Variants in PALLD observed in about 807,000 individuals in gnomAD.
PALLD encodes the protein palladin.
In PALLD, 61 loss-of-function variants were observed where a neutral mutation model predicts 123.5. The observed-to-expected ratio is 0.49, with a 90% confidence interval of 0.40 to 0.61. PALLD has a LOEUF of 0.61. Among genes scored for constraint, PALLD ranks in the 20% least tolerant of loss-of-function variants. The pLI, the probability that PALLD is intolerant of heterozygous loss-of-function variation, is 0.00. For synonymous variants in PALLD, 465 were observed against 496.4 expected, an observed-to-expected ratio of 0.94 and a Z score of 0.84; for missense variants, 1,273 against 1,377.0, an observed-to-expected ratio of 0.92 and a Z score of 1.20.
chr4:168,771,688 C>T (rs1206315933), intron 10 of PALLD, among the ~76,000 whole-genome samples: 1 of 152,110 alleles, frequency 6.6e-6, no homozygotes, highest in African/African-American at 2.4e-5. Flanking sequence ...TGGTCTCAGC[C>T]ATCACCCCCC....
At chr4:168,764,425 G>C (rs913228801) in intron 10 of PALLD, among the ~76,000 whole-genome samples, 3 of 151,958 alleles carry the variant, frequency 2.0e-5, no homozygotes, top group African/African-American at 7.3e-5. Flanking sequence ...AATTTTTTTA[G>C]AAACAGGATC....
At chr4:168,719,015 C>G (rs9992221) in intron 10 of PALLD, among the ~76,000 whole-genome samples, 34 of 149,862 alleles carry the variant, frequency 2.3e-4, no homozygotes, top group South Asian at 4.2e-4. Context: ...TCAAGTAATT[C>G]TCCTGCCTCA....
chr4:168,572,420 A>G (rs1769089108), intron 2 of PALLD, among the ~76,000 whole-genome samples: 2 of 152,120 alleles, frequency 1.3e-5, no homozygotes. Context: ...AACTCAGGTC[A>G]TTCTCCCTCC....
intron 10 of PALLD, among the ~76,000 whole-genome samples, chr4:168,722,851 T>C (rs1275947143): frequency 6.6e-6 from 1 of 152,140 alleles, no homozygotes; most frequent in Non-Finnish European, 1.5e-5. Context: ...CCAAGCCGTG[T>C]GTAGGTTCAG....
intron 2 of PALLD, among the ~76,000 whole-genome samples, chr4:168,538,470 T>A (rs887747074): frequency 2.1e-4 from 32 of 151,674 alleles, no homozygotes; most frequent in African/African-American, 2.4e-4. Flanking sequence ...AAATAAAATT[T>A]TATTTTAAAT....
chr4:168,579,205 A>C (rs1222967431), intron 2 of PALLD, among the ~76,000 whole-genome samples: 1 of 152,190 alleles, frequency 6.6e-6, no homozygotes, highest in Non-Finnish European at 1.5e-5. Context: ...GTGCCATGTA[A>C]AGTGCAGCTA....
At chr4:168,814,475 A>G (rs1209874718) in intron 10 of PALLD, among the ~76,000 whole-genome samples, 1 of 152,194 alleles carries the variant, frequency 6.6e-6, no homozygotes, top group Admixed American at 6.5e-5. Flanking sequence ...ATGAAACCGA[A>G]CCATGTTGGG....
intron 2 of PALLD, among the ~76,000 whole-genome samples, chr4:168,630,837 T>TA (rs751510756): frequency 4.9e-4 from 75 of 152,322 alleles, no homozygotes; most frequent in Non-Finnish European, 9.0e-4. Flanking sequence ...GCCAGGGGCT[T>TA]TAGAGTTGGC....
chr4:168,682,359 C>T (rs940816029), intron 4 of PALLD, among the ~76,000 whole-genome samples: 2 of 152,092 alleles, frequency 1.3e-5, no homozygotes, highest in East Asian at 3.9e-4. Flanking sequence ...TTTTACCACC[C>T]CTGGTTTTTA....
chr4:168,577,569 G>C (rs373688639), intron 2 of PALLD, among the ~76,000 whole-genome samples: 1 of 152,094 alleles, frequency 6.6e-6, no homozygotes, highest in African/African-American at 2.4e-5. Flanking sequence ...TATATCAAAA[G>C]TATTTGCAAT....
At chr4:168,735,170 G>A (rs944007575) in intron 10 of PALLD, among the ~76,000 whole-genome samples, 3 of 151,952 alleles carry the variant, frequency 2.0e-5, no homozygotes, top group East Asian at 1.9e-4. Flanking sequence ...CAATCAGCAC[G>A]GCCACTGAGT....
At chr4:168,925,168 A>AAAC (rs2126592875) in intron 20 of PALLD, 65 bp from the exon 21 acceptor site, 1 of 1,582,904 alleles carries the variant, frequency 6.3e-7, no homozygotes, top group East Asian at 2.2e-5. Context: ...TACTCTTTAT[A>AAAC]AACAACTATT....
intron 2 of PALLD, among the ~76,000 whole-genome samples, chr4:168,537,359 TA>T (rs956131253): frequency 5.9e-5 from 9 of 152,316 alleles, no homozygotes; most frequent in African/African-American, 1.9e-4. Context: ...AACATACTGC[TA>T]AAAAATTGTA....
At chr4:168,858,005 C>T (rs1349630515) in intron 10 of PALLD, among the ~76,000 whole-genome samples, 1 of 152,334 alleles carries the variant, frequency 6.6e-6, no homozygotes, top group Admixed American at 6.5e-5. Context: ...ACACACATTG[C>T]TCCCCACACA....
chr4:168,689,102 C>T (rs1782363805), intron 6 of PALLD, among the ~76,000 whole-genome samples: 1 of 152,230 alleles, frequency 6.6e-6, no homozygotes, highest in Admixed American at 6.5e-5. Context: ...AACCTTGTCA[C>T]TTAAAGACAT....
chr4:168,890,061 C>G (rs797017355), intron 10 of PALLD, among the ~76,000 whole-genome samples: 1 of 152,094 alleles, frequency 6.6e-6, no homozygotes, highest in East Asian at 1.9e-4. Context: ...TTCTATTTCT[C>G]ATTAATTTTT....
intron 10 of PALLD, among the ~76,000 whole-genome samples, chr4:168,817,275 G>C (rs548547742): frequency 1.3e-5 from 2 of 152,282 alleles, no homozygotes; most frequent in African/African-American, 4.8e-5. Flanking sequence ...TTGTGCATTA[G>C]ACGCACCATC....
At chr4:168,679,375 GGT>G (rs142511113) in intron 3 of PALLD, among the ~76,000 whole-genome samples, 297 of 118,304 alleles carry the variant, frequency 2.5e-3, no homozygotes, top group African/African-American at 6.6e-3. Context: ...GATGTGTGTG[GGT>G]GTGTGTGTGT....
At chr4:168,564,809 G>T (rs1046060261) in intron 2 of PALLD, among the ~76,000 whole-genome samples, 1 of 152,002 alleles carries the variant, frequency 6.6e-6, no homozygotes, top group African/African-American at 2.4e-5. Context: ...TAAGTCATAG[G>T]TCTCTACATT....
Sources: allele counts gnomAD v4.1 joint callset (sites outside exome capture counted in the v4.1 genomes callset), GRCh38; gene constraint gnomAD v4.1.1; transcripts MANE v1.5; gene names NCBI Gene and HGNC (gene_info 2026-07-23, HGNC 2026-07-21).